The following BPTF variants were observed in gnomAD, a reference collection of about 807,000 sequenced individuals.
BPTF encodes the protein nucleosome-remodeling factor subunit BPTF.
A neutral mutation model predicts 292.5 loss-of-function variants in BPTF; 18 were observed. The ratio of observed to expected loss-of-function variants is 0.06; its 90% CI spans 0.04 to 0.09. The LOEUF (loss-of-function observed/expected upper bound fraction) is 0.09. BPTF is among the 10% of genes least tolerant of loss of function. BPTF has a pLI of 1.00. For synonymous variants in BPTF, 1,225 were observed against 1,251.9 expected (o/e 0.98, Z 0.45); for missense variants, 2,726 against 3,498.7 (o/e 0.78, Z 5.57).
chr17:67,882,510 A>G (rs1467692491), intron 4 of BPTF, among the ~76,000 whole-genome samples: 1 of 152,210 alleles, frequency 6.6e-6, no homozygotes, highest in Non-Finnish European at 1.5e-5. Flanking sequence ...TTATCCCAAT[A>G]CAGGGTATTC....
chr17:67,931,283 AG>A (rs2147523448), intron 17 of BPTF, among the ~76,000 whole-genome samples: 1 of 152,076 alleles, frequency 6.6e-6, no homozygotes, highest in East Asian at 1.9e-4. Flanking sequence ...TAAATAAGCA[AG>A]ACTGTCTCTA....
chr17:67,947,636 C>A, intron 21 of BPTF, 90 bp from the exon 22 acceptor site: 1 of 958,064 alleles, frequency 1.0e-6, no homozygotes, highest in Non-Finnish European at 1.5e-6. Flanking sequence ...TAAAAAAACA[C>A]ATATGTGCTC....
intron 7 of BPTF, among the ~76,000 whole-genome samples, chr17:67,899,712 G>A (rs2061694618): frequency 6.6e-6 from 1 of 151,832 alleles, no homozygotes; most frequent in Non-Finnish European, 1.5e-5. Flanking sequence ...TGTATTTTTA[G>A]TAGAGATGGG....
intron 12 of BPTF, among the ~76,000 whole-genome samples, chr17:67,919,781 G>A (rs1325915197): frequency 6.6e-6 from 1 of 152,270 alleles, no homozygotes; most frequent in South Asian, 2.1e-4. Flanking sequence ...GCCACCAGGA[G>A]CTCAGCTATA....
At chr17:67,925,208 G>A (rs1196669919) in intron 15 of BPTF, among the ~76,000 whole-genome samples, 1 of 152,048 alleles carries the variant, frequency 6.6e-6, no homozygotes, top group Non-Finnish European at 1.5e-5. Flanking sequence ...TATCTTTAGA[G>A]TTTCATAAGT....
In BPTF at chr17:67,982,434, A is replaced by G. The variant is rs1398346861; in HGVS notation, c.*146A>G. ...TTTTATTGGTCATAACAGTCCAATT[A>G]TATTCTTGGCCAATTTTGTCCAACG... On this transcript the variant is annotated 3_prime_UTR_variant, in exon 28 of 28. Transcript: ENST00000306378. 3.2e-5 allele frequency: 19 copies of G among 598,886 alleles called. No individual in the cohort carries two copies. The highest frequency in any genetic ancestry group is 4.8e-4 in the Middle Eastern group (1 of 2,070). 37.1% of individuals were successfully genotyped at this position (598,886 alleles called of 1,614,324 possible). A position where few individuals can be genotyped will look rare whatever the true frequency, so the allele number is the denominator to read the frequency against.
At chr17:67,857,496 C>T (rs897834665) in intron 2 of BPTF, among the ~76,000 whole-genome samples, 6 of 149,728 alleles carry the variant, frequency 4.0e-5, no homozygotes, top group Non-Finnish European at 7.4e-5. Flanking sequence ...ACAAGATCTC[C>T]CTTTGTCACC....
At chr17:67,827,670 T>A (rs59876337) in intron 1 of BPTF, among the ~76,000 whole-genome samples, 15,168 of 152,200 alleles carry the variant, frequency 0.1, 2,586 homozygotes, top group African/African-American at 0.35. Context: ...TAGAAGTGGT[T>A]AACTTGAAAA....
chr17:67,885,610 A>G (rs1431352053), intron 4 of BPTF, among the ~76,000 whole-genome samples: 2 of 152,168 alleles, frequency 1.3e-5, no homozygotes, highest in African/African-American at 2.4e-5. Context: ...TAACAATCGC[A>G]TTTAGGCATT....
At chr17:67,905,527 CAAGACCCCATCTCTACAAA>C (rs1251925696) in intron 9 of BPTF, among the ~76,000 whole-genome samples, 1 of 151,738 alleles carries the variant, frequency 6.6e-6, no homozygotes, top group Non-Finnish European at 1.5e-5. Flanking sequence ...GGCAACATAG[CAAGACCCCATCTCTACAAA>C]AACGTTTTAA....
intron 2 of BPTF, among the ~76,000 whole-genome samples, chr17:67,864,257 G>C (rs1473068408): frequency 6.6e-6 from 1 of 152,288 alleles, no homozygotes; most frequent in South Asian, 2.1e-4. Flanking sequence ...CCGGTGCGGT[G>C]GCTCGTGCCT....
chr17:67,900,165 C>T (rs530068860), intron 7 of BPTF, among the ~76,000 whole-genome samples: 3 of 151,718 alleles, frequency 2.0e-5, no homozygotes, highest in South Asian at 2.1e-4. Flanking sequence ...AGGGCAGTGG[C>T]GCCATCTCGG....
At chr17:67,903,315 T>TA (rs1482206261) in intron 7 of BPTF, among the ~76,000 whole-genome samples, 1 of 152,254 alleles carries the variant, frequency 6.6e-6, no homozygotes, top group Admixed American at 6.5e-5. Flanking sequence ...AAAGTATTCT[T>TA]TAACAGTGAC....
chr17:67,883,587 G>GTTTGT (rs764889053), intron 4 of BPTF, among the ~76,000 whole-genome samples: 17 of 152,006 alleles, frequency 1.1e-4, no homozygotes, highest in Non-Finnish European at 2.1e-4. Context: ...AATGTTGCTT[G>GTTTGT]TTTGTTTTGT....
chr17:67,923,050 A>T, intron 14 of BPTF, 60 bp downstream of exon 14: 1 of 1,513,840 alleles, frequency 6.6e-7, no homozygotes, highest in South Asian at 1.3e-5. Flanking sequence ...CAGAATCAAT[A>T]AATTACTTTT....
chr17:67,959,951 T>A, intron 24 of BPTF, 76 bp downstream of exon 24: 1 of 1,130,942 alleles, frequency 8.8e-7, no homozygotes, highest in Non-Finnish European at 1.3e-6. Flanking sequence ...AGAAAATGAA[T>A]ATTTTGGGAG....
chr17:67,838,887 T>C (rs1408897813), intron 1 of BPTF, among the ~76,000 whole-genome samples: 2 of 152,266 alleles, frequency 1.3e-5, no homozygotes, highest in Non-Finnish European at 2.9e-5. Flanking sequence ...AAATACCTGC[T>C]CTGCTGGGGC....
intron 1 of BPTF, among the ~76,000 whole-genome samples, chr17:67,834,792 GA>G (rs1206550167): frequency 6.6e-6 from 1 of 152,160 alleles, no homozygotes. Flanking sequence ...TCAATCTCTT[GA>G]ATGCAGTAGG....
intron 7 of BPTF, among the ~76,000 whole-genome samples, chr17:67,901,024 AAAAAG>A (rs934930638): frequency 2.7e-4 from 41 of 152,266 alleles, no homozygotes; most frequent in African/African-American, 9.4e-4. Context: ...GTCTTTAAAA[AAAAAG>A]AAAAGAAAAA....
Sources: gnomAD v4.1 joint callset for allele counts (sites outside exome capture counted in the v4.1 genomes callset) on GRCh38, gnomAD v4.1.1 for gene constraint, MANE v1.5 for transcripts, NCBI Gene and HGNC (gene_info 2026-07-23, HGNC 2026-07-21) for gene names.